BPIFB1: variants seen among roughly 807,000 people sequenced by gnomAD.
BPIFB1 encodes the protein BPI fold-containing family B member 1.
Under a neutral mutation model 55.1 loss-of-function variants are expected in BPIFB1, and 34 were observed. That is an observed-to-expected ratio of 0.62 (90% CI 0.47 to 0.82). BPIFB1 has a LOEUF of 0.82. Ranked by LOEUF, BPIFB1 falls within the 40% of genes least tolerant of loss-of-function variation. BPIFB1 has a pLI of 0.00. For missense variants in BPIFB1, 532 were observed against 593.1 expected (o/e 0.90, Z 1.07); for synonymous variants, 236 against 245.3 (o/e 0.96, Z 0.35).
chr20:33,289,519 A>G (rs1980385167), intron 3 of BPIFB1, among the ~76,000 whole-genome samples: 1 of 152,206 alleles, frequency 6.6e-6, no homozygotes, highest in Non-Finnish European at 1.5e-5. Flanking sequence ...GACAAGAAGC[A>G]AATGGCATCC....
At chr20:33,302,480 G>T (rs536914046) in intron 10 of BPIFB1, 68 bp downstream of exon 10, 2 of 1,538,842 alleles carry the variant, frequency 1.3e-6, no homozygotes, top group Admixed American at 1.7e-5. Flanking sequence ...CTCTGGGGAG[G>T]AGAATCTAGT....
intron 2 of BPIFB1, among the ~76,000 whole-genome samples, 185 bp from the exon 3 acceptor site, chr20:33,288,556 C>T (rs535105330): frequency 5.9e-5 from 9 of 152,206 alleles, no homozygotes; most frequent in African/African-American, 2.2e-4. Flanking sequence ...GGCTACTGTC[C>T]TCAAGGCTAC....
chr20:33,297,447 G>T (rs1439983600), intron 6 of BPIFB1, 78 bp from the exon 7 acceptor site: 3 of 1,503,854 alleles, frequency 2.0e-6, no homozygotes, highest in Non-Finnish European at 2.8e-6. Context: ...GGCCAGGTGG[G>T]CTGGGCACAG....
At chr20:33,302,248 C>A in intron 9 of BPIFB1, 111 bp from the exon 10 acceptor site, 3 of 1,122,524 alleles carry the variant, frequency 2.7e-6, no homozygotes, top group Non-Finnish European at 4.1e-6. Context: ...GGTCACTGGG[C>A]CCACCCAGCT....
In BPIFB1 at chr20:33,288,841, G is replaced by T; in HGVS notation, c.216G>T (p.Val72=). The T allele has an allele frequency of 6.2e-7, 1 of 1,613,952 alleles. No individual in the cohort carries two copies. The highest frequency in any genetic ancestry group is 8.5e-7 in the Non-Finnish European group (1 of 1,180,024). ...AAAAGCCAGCCGGAGGCATCCCTGT[G>T]CTGGGCAGCCTGGTGAACACCGTCC... ...MREKPAGGIP[V]LGSLVNTVLK... Residue 72 remains valine (V), a synonymous_variant, in exon 3 of 16, where the codon GTG becomes GTT. Coordinates refer to ENST00000253354, the MANE Select transcript of BPIFB1 (RefSeq NM_033197.3).
chr20:33,307,076 C>G, intron 15 of BPIFB1, 89 bp downstream of exon 15: 1 of 1,229,670 alleles, frequency 8.1e-7, no homozygotes, highest in Non-Finnish European at 1.2e-6. Context: ...CACTCCAACC[C>G]CAGCCTACAG....
At chr20:33,288,602 C>G in intron 2 of BPIFB1, 139 bp from the exon 3 acceptor site, 1 of 992,120 alleles carries the variant, frequency 1.0e-6, no homozygotes, top group South Asian at 1.6e-5. Flanking sequence ...TGGTCCTGAC[C>G]TCCACCACAG....
chr20:33,305,954 A>C (rs200577319), intron 13 of BPIFB1, 48 bp from the exon 14 acceptor site: 5 of 1,585,616 alleles, frequency 3.2e-6, no homozygotes, highest in Non-Finnish European at 4.3e-6. Context: ...ATGGGGGGGA[A>C]CTTCAGATGC....
chr20:33,286,354 T>C (rs1240801822), intron 2 of BPIFB1, among the ~76,000 whole-genome samples, 166 bp downstream of exon 2: 2 of 152,170 alleles, frequency 1.3e-5, no homozygotes, highest in Non-Finnish European at 2.9e-5. Flanking sequence ...GAGTCTGTGA[T>C]CTCAAGAGTC....
chr20:33,289,755 G>T, intron 3 of BPIFB1, 130 bp from the exon 4 acceptor site: 1 of 735,286 alleles, frequency 1.4e-6, no homozygotes, highest in Non-Finnish European at 2.4e-6. Flanking sequence ...ATCTGGAGAG[G>T]AGTCGGTGGG....
At chr20:33,290,112 T>C in intron 4 of BPIFB1, 120 bp downstream of exon 4, 1 of 748,654 alleles carries the variant, frequency 1.3e-6, no homozygotes, top group Non-Finnish European at 2.3e-6. Flanking sequence ...GAAGAGCAAG[T>C]GCAGAGGCCC....
In BPIFB1 at chr20:33,299,976, T is replaced by C. The variant is rs766559260; in HGVS notation, c.739T>C (p.Tyr247His). The C allele has an allele frequency of 9.3e-6, 15 of 1,613,572 alleles. No individual in the cohort carries two copies. The highest frequency in any genetic ancestry group is 2.5e-6 in the Non-Finnish European group (3 of 1,179,638). ...PAIKGDTIQL[Y>H]LGAKLLDSQG... ...CATCAAGGGTGACACCATTCAGCTC[T>C]ACCTGGGGGTGAGTGTCCCAGGACC... The change falls in exon 8 of 16, where the codon TAC (tyrosine) becomes CAC (histidine). Residue 247 changes from tyrosine to histidine, a missense_variant. By Grantham distance (83) the Tyr-to-His change is moderately conservative (BLOSUM62 2). Transcript: ENST00000253354.
intron 15 of BPIFB1, chr20:33,307,884 A>C (rs1981087734): frequency 6.6e-6 from 1 of 152,000 alleles, no homozygotes; most frequent in South Asian, 2.1e-4. Flanking sequence ...ATTGCACTCC[A>C]GCCTGGGCAA....
At position 33,301,235 on chromosome 20, in the gene BPIFB1, C is replaced by T; in HGVS notation, c.750C>T (p.Ala250=). Residue 250 remains alanine (A), a splice_region_variant and synonymous_variant, in exon 9 of 16, where the codon GCC becomes GCT. Coordinates refer to ENST00000253354, the MANE Select transcript of BPIFB1 (RefSeq NM_033197.3). ...GACTCCCTGCTCTGTCTCCTCAGGCCAAGTTGTTGGACTCACAGGGAAAGG... is the reference window on the plus strand; with the variant it reads ...GACTCCCTGCTCTGTCTCCTCAGGCTAAGTTGTTGGACTCACAGGGAAAGG... ...KGDTIQLYLG[A]KLLDSQGKVT... The T allele has an allele frequency of 6.2e-7, 1 of 1,613,972 alleles. No individual in the cohort carries two copies.
At chr20:33,299,808 A>C in intron 7 of BPIFB1, 91 bp from the exon 8 acceptor site, 6 of 754,452 alleles carry the variant, frequency 8.0e-6, no homozygotes, top group Non-Finnish European at 9.1e-6. Context: ...CCCCCATGCA[A>C]CAGTACAGCT....
intron 6 of BPIFB1, among the ~76,000 whole-genome samples, chr20:33,292,338 C>G (rs193247213): frequency 1.8e-3 from 280 of 152,234 alleles, no homozygotes; most frequent in African/African-American, 5.8e-3. Flanking sequence ...TTTTAGGCGA[C>G]CAGTGTGATG....
At position 33,289,051 on chromosome 20, in the gene BPIFB1, A is replaced by G. The variant is rs533083113; in HGVS notation, c.257+169A>G. ...GAAGCTCCCAGAATAGTTAACAAGAACCATAAGACAGTGACACAGGAACCC... is the reference window on the plus strand; with the variant it reads ...GAAGCTCCCAGAATAGTTAACAAGAGCCATAAGACAGTGACACAGGAACCC... On this transcript the variant is annotated intron_variant, in intron 3 of 15. Coordinates refer to ENST00000253354, the MANE Select transcript of BPIFB1 (RefSeq NM_033197.3). Among the ~76,000 whole-genome samples the G allele has an allele frequency of 5.9e-5, 9 of 152,266 alleles. No individual in the cohort carries two copies. In the South Asian group the frequency reaches 1.7e-3, roughly 28 times the overall value.
At chr20:33,297,665 G>A (rs1258673694) in intron 7 of BPIFB1, 77 bp downstream of exon 7, 3 of 1,503,356 alleles carry the variant, frequency 2.0e-6, no homozygotes, top group Admixed American at 1.7e-5. Flanking sequence ...ACCAAGGGAA[G>A]GCCTCCCCAA....
At position 33,288,843 on chromosome 20, in the gene BPIFB1, T is replaced by C. The variant is rs1429082660; in HGVS notation, c.218T>C (p.Leu73Pro). ...AAGCCAGCCGGAGGCATCCCTGTGC[T>C]GGGCAGCCTGGTGAACACCGTCCTG... ...REKPAGGIPV[L>P]GSLVNTVLKH... The change falls in exon 3 of 16, where the codon CTG becomes CCG. Residue 73 changes from leucine to proline, a missense_variant. Leu to Pro is a moderately conservative substitution (Grantham distance 98, BLOSUM62 -3). Coordinates refer to ENST00000253354, the MANE Select transcript of BPIFB1 (RefSeq NM_033197.3). 1 of 1,613,916 alleles carries C rather than the reference T, an allele frequency of 6.2e-7. No homozygotes were observed.
Sources: allele counts gnomAD v4.1 joint callset (sites outside exome capture counted in the v4.1 genomes callset), GRCh38; gene constraint gnomAD v4.1.1; transcripts MANE v1.5; gene names NCBI Gene and HGNC (gene_info 2026-07-23, HGNC 2026-07-21).